The following KLHL26 variants were observed in gnomAD, a reference collection of about 807,000 sequenced individuals.
The protein encoded by KLHL26 is kelch-like protein 26.
KLHL26 carries 4 observed loss-of-function variants against 7.1 expected under a neutral mutation model. That is an observed-to-expected ratio of 0.56 (90% CI 0.28 to 1.28). The LOEUF (loss-of-function observed/expected upper bound fraction) is 1.28, where lower values mean the gene tolerates loss of function less well. KLHL26 is among the 50% of genes most tolerant of loss of function. The pLI, the probability that KLHL26 is intolerant of heterozygous loss-of-function variation, is 0.11. For synonymous variants in KLHL26, 465 were observed against 414.1 expected, an observed-to-expected ratio of 1.12 and a Z score of -1.49; for missense variants, 896 against 924.6, an observed-to-expected ratio of 0.97 and a Z score of 0.40.
Position 18,670,279 on chromosome 19 carries a change from CTTTTT to C in KLHL26, c.*1035_*1039del, listed in dbSNP as rs1409107134. 1 of 152,130 alleles carries C rather than the reference CTTTTT, an allele frequency of 6.6e-6. No individual in the cohort carries two copies. The highest frequency in any genetic ancestry group is 1.5e-5 in the Non-Finnish European group (1 of 68,032). The allele number at this position is 152,130 out of a possible 1,614,324, so 9.4% of individuals were successfully genotyped here. A position where few individuals can be genotyped will look rare whatever the true frequency, so the allele number is the denominator to read the frequency against. On this transcript the variant is annotated 3_prime_UTR_variant, in exon 3 of 3. Coordinates refer to ENST00000300976, the MANE Select transcript of KLHL26 (RefSeq NM_018316.3). ...TAATGTCTGAACCTCTAAATCTTTT[CTTTTT>C]GATTGGTTTTACTGTTTTTAAGAAG...
chr19:18,662,800 G>C (rs1228155372), intron 1 of KLHL26, among the ~76,000 whole-genome samples: 1 of 152,116 alleles, frequency 6.6e-6, no homozygotes, highest in Non-Finnish European at 1.5e-5. Flanking sequence ...AAAGAGCCAA[G>C]GCTTGGCTCA....
At position 18,646,030 on chromosome 19, in the gene KLHL26, C is replaced by T. The variant is rs1352506617; in HGVS notation, c.83+8893C>T. On this transcript the variant is annotated intron_variant, in intron 1 of 2. Coordinates refer to ENST00000300976, the MANE Select transcript of KLHL26 (RefSeq NM_018316.3). This position sits in a 1 kb window ranked among gnomAD's most constrained non-coding sequence, Gnocchi z 5.0. ...CTTGGAAGGGTCCAGCCCCCCAGCT[C>T]CTGCTAGGAAGACTTAGGGGAAGAG... is the stretch of plus-strand genomic sequence containing the variant. Among the ~76,000 whole-genome samples, 2 of 152,128 alleles carry T rather than the reference C, an allele frequency of 1.3e-5. No homozygotes were observed. Among genetic ancestry groups the T allele is most frequent in the Admixed American group, 6.5e-5 (1 of 15,272 alleles).
intron 1 of KLHL26, among the ~76,000 whole-genome samples, chr19:18,658,530 C>T (rs1054474421): frequency 1.9e-5 from 2 of 106,714 alleles, no homozygotes; most frequent in Non-Finnish European, 4.1e-5. Flanking sequence ...TCTCCCTCTC[C>T]CTCTCTCCCT....
At position 18,669,094 on chromosome 19, in the gene KLHL26, G is replaced by A; in HGVS notation, c.1697G>A (p.Gly566Asp). 1 of 1,612,916 alleles carries A rather than the reference G, an allele frequency of 6.2e-7. No homozygotes were observed. Among genetic ancestry groups the A allele is most frequent in the East Asian group, 2.2e-5 (1 of 44,878 alleles). Residue 566 changes from glycine to aspartate, a missense_variant, in exon 3 of 3, where the codon GGC becomes GAC. Gly to Asp is a moderately conservative substitution (Grantham distance 94). Coordinates refer to ENST00000300976, the MANE Select transcript of KLHL26 (RefSeq NM_018316.3). Reference sequence around the variant, plus strand: ...GAGAGGAAGATCTACATCGTCGGGGGCTACAACTGGCGTCTCAACAACGTC... The same window carrying A: ...GAGAGGAAGATCTACATCGTCGGGGACTACAACTGGCGTCTCAACAACGTC... ...LLERKIYIVGGYNWRLNNVTG... is the reference protein window; with the variant it reads ...LLERKIYIVGDYNWRLNNVTG...
chr19:18,640,949 C>A (rs887656456), intron 1 of KLHL26, among the ~76,000 whole-genome samples: 1 of 152,176 alleles, frequency 6.6e-6, no homozygotes, highest in South Asian at 2.1e-4. Flanking sequence ...CTCACTAACA[C>A]CTGGTATGGC....
At chr19:18,651,481 G>C (rs1224074653) in intron 1 of KLHL26, among the ~76,000 whole-genome samples, 1 of 152,242 alleles carries the variant, frequency 6.6e-6, no homozygotes, top group Non-Finnish European at 1.5e-5. Context: ...GGTTCCAGAG[G>C]AGAACAGGGG....
chr19:18,641,649 G>A (rs1042194296), intron 1 of KLHL26, among the ~76,000 whole-genome samples: 3 of 120,182 alleles, frequency 2.5e-5, no homozygotes, highest in African/African-American at 1.0e-4. Context: ...TTTTTTTTGA[G>A]ATGGAGGCTT....
Position 18,670,615 on chromosome 19 carries a change from CAG to C in KLHL26, c.*1373_*1374del, listed in dbSNP as rs901692489. 1 of 152,324 alleles carries C rather than the reference CAG, an allele frequency of 6.6e-6. No individual in the cohort carries two copies. Among genetic ancestry groups the C allele is most frequent in the Non-Finnish European group, 1.5e-5 (1 of 68,092 alleles). The allele number at this position is 152,324 out of a possible 1,614,324, so 9.4% of individuals were successfully genotyped here. On this transcript the variant is annotated 3_prime_UTR_variant, in exon 3 of 3. Transcript: ENST00000300976. ...CCCGCCTCAACCTTTTCCAGCCTTT[CAG>C]AGGAGTCGGCAGTGGGCTGGGCTTT...
At chr19:18,645,331 C>T (rs750762881) in intron 1 of KLHL26, among the ~76,000 whole-genome samples, 4 of 152,164 alleles carry the variant, frequency 2.6e-5, no homozygotes, top group Non-Finnish European at 5.9e-5. Flanking sequence ...GGTACCTGAC[C>T]GGCAGAGTTT....
At chr19:18,652,370 A>G (rs1219615647) in intron 1 of KLHL26, among the ~76,000 whole-genome samples, 1 of 152,038 alleles carries the variant, frequency 6.6e-6, no homozygotes, top group Non-Finnish European at 1.5e-5. Flanking sequence ...CGGGCAGATC[A>G]CCTGAGGCCG....
chr19:18,637,103 T>G lies in KLHL26; in HGVS notation c.49T>G (p.Phe17Val), dbSNP rs1223361281. 2 of 1,378,686 alleles carry G rather than the reference T, an allele frequency of 1.5e-6. No individual in the cohort carries two copies. Among genetic ancestry groups the G allele is most frequent in the Non-Finnish European group, 1.9e-6 (2 of 1,066,068 alleles). 85.4% of individuals were successfully genotyped at this position (1,378,686 alleles called of 1,614,324 possible). A position where few individuals can be genotyped will look rare whatever the true frequency, so the allele number is the denominator to read the frequency against. ...SSGGAGGGGA[F>V]GAGPGPERPN... Reference sequence around the variant, plus strand: ...CGGTGGTGCTGGTGGCGGCGGCGCTTTCGGCGCGGGCCCGGGCCCCGAGCG... The same window carrying G: ...CGGTGGTGCTGGTGGCGGCGGCGCTGTCGGCGCGGGCCCGGGCCCCGAGCG... Residue 17 changes from phenylalanine to valine, a missense_variant, in exon 1 of 3, where the codon TTC (phenylalanine) becomes GTC (valine). By Grantham distance (50) the Phe-to-Val change is conservative (BLOSUM62 -1). Transcript: ENST00000300976.
chr19:18,645,208 G>A (rs548527217), intron 1 of KLHL26, among the ~76,000 whole-genome samples: 170 of 152,276 alleles, frequency 1.1e-3, no homozygotes, highest in African/African-American at 3.9e-3. Context: ...AGCTCGGGCC[G>A]CGGGGTCTAG....
chr19:18,641,324 T>C (rs1164464059), intron 1 of KLHL26, among the ~76,000 whole-genome samples: 4 of 149,630 alleles, frequency 2.7e-5, no homozygotes, highest in Non-Finnish European at 4.4e-5. Flanking sequence ...GCCTTTTTTT[T>C]TTTTTTTTTT....
In KLHL26 at chr19:18,648,269, C is replaced by T. The variant is rs560647423; in HGVS notation, c.83+11132C>T. Among the ~76,000 whole-genome samples, 1 of 152,314 alleles carries T rather than the reference C, an allele frequency of 6.6e-6. No homozygotes were observed. The highest frequency in any genetic ancestry group is 6.5e-5 in the Admixed American group (1 of 15,302). On this transcript the variant is annotated intron_variant, in intron 1 of 2. Coordinates refer to ENST00000300976, the MANE Select transcript of KLHL26 (RefSeq NM_018316.3). This position sits in a 1 kb window ranked among gnomAD's most constrained non-coding sequence, Gnocchi z 4.9. ...CTTGTAGTCCCAGCTGCTCTGGAGGCTGAGGCACGAGAGTCGATTGAACCC... is the reference window on the plus strand; with the variant it reads ...CTTGTAGTCCCAGCTGCTCTGGAGGTTGAGGCACGAGAGTCGATTGAACCC...
rs577062617 is a variant in KLHL26, at chr19:18,645,332, G to C, written c.83+8195G>C. Among the ~76,000 whole-genome samples the C allele has an allele frequency of 3.3e-5, 5 of 152,286 alleles. No homozygotes were observed. The South Asian group carries it at 8.3e-4, about 25-fold the overall frequency. ...TTCTGTCACTGTGAGGTACCTGACCGGCAGAGTTTTGGAGGAACCTTCTGG... is the reference window on the plus strand; with the variant it reads ...TTCTGTCACTGTGAGGTACCTGACCCGCAGAGTTTTGGAGGAACCTTCTGG... On this transcript the variant is annotated intron_variant, in intron 1 of 2. Transcript: ENST00000300976.
intron 1 of KLHL26, among the ~76,000 whole-genome samples, chr19:18,655,831 C>A (rs140502504): frequency 7.7e-6 from 1 of 129,582 alleles, no homozygotes; most frequent in Non-Finnish European, 1.7e-5. Flanking sequence ...GGGATGGGGG[C>A]GCTGTGCATA....
rs962544362 is a variant in KLHL26 at position 18,648,728 on chromosome 19, C to A, written c.83+11591C>A. On this transcript the variant is annotated intron_variant, in intron 1 of 2. Transcript: ENST00000300976. The surrounding 1 kb of genome is among the most constrained non-coding windows in gnomAD (Gnocchi z 4.9). ...GCAGGTCCCAGTCCTGGGAATGTCC[C>A]TCCTCCTGAGAGAAGGCCTCAGTCT... 6.6e-6 allele frequency among the ~76,000 whole-genome samples: 1 copy of A among 152,192 alleles called. No individual in the cohort carries two copies. The highest frequency in any genetic ancestry group is 2.4e-5 in the African/African-American group (1 of 41,442).
rs892743280 is a variant in KLHL26, at chr19:18,669,694, C to T, written c.*449C>T. On this transcript the variant is annotated 3_prime_UTR_variant, in exon 3 of 3. Coordinates refer to ENST00000300976, the MANE Select transcript of KLHL26 (RefSeq NM_018316.3). Reference sequence around the variant, plus strand: ...ACTCACCCTCCTTCCAAGTCTCCTGCGCGCGTGTTTTTAAAATAAACTCAC... The same window carrying T: ...ACTCACCCTCCTTCCAAGTCTCCTGTGCGCGTGTTTTTAAAATAAACTCAC... The T allele has an allele frequency of 2.6e-4, 60 of 232,834 alleles. 1 individual carries two copies. The highest frequency in any genetic ancestry group is 1.3e-3 in the Middle Eastern group (1 of 762). 14.4% of individuals were successfully genotyped at this position (232,834 alleles called of 1,614,324 possible).
At chr19:18,651,623 G>A (rs566103257) in intron 1 of KLHL26, among the ~76,000 whole-genome samples, 1 of 152,370 alleles carries the variant, frequency 6.6e-6, no homozygotes, top group African/African-American at 2.4e-5. Context: ...CCTGCATCTG[G>A]CCTGGCTCTG....
Sources: allele counts gnomAD v4.1 joint callset (sites outside exome capture counted in the v4.1 genomes callset), GRCh38; gene constraint gnomAD v4.1.1; non-coding constraint Gnocchi (gnomAD v3.1); transcripts MANE v1.5; gene names NCBI Gene and HGNC (gene_info 2026-07-23, HGNC 2026-07-21).